CLYBL: variants seen among roughly 807,000 people sequenced by gnomAD.
CLYBL encodes citramalyl-CoA lyase.
Under a neutral mutation model 38.9 loss-of-function variants are expected in CLYBL, and 31 were observed. The observed-to-expected ratio is 0.80, with a 90% CI of 0.60 to 1.08. The LOEUF (loss-of-function observed/expected upper bound fraction) is 1.08, where lower values mean the gene tolerates loss of function less well. Ranked by LOEUF, CLYBL falls within the 50% of genes least tolerant of loss-of-function variation. The pLI, the probability that CLYBL is intolerant of heterozygous loss-of-function variation, is 0.00. For missense variants in CLYBL, 434 were observed against 411.6 expected (o/e 1.05, Z -0.47); for synonymous variants, 171 against 158.6 (o/e 1.08, Z -0.59).
chr13:99,806,738 G>C (rs2050239182), intron 2 of CLYBL, among the ~76,000 whole-genome samples: 1 of 152,180 alleles, frequency 6.6e-6, no homozygotes, highest in African/African-American at 2.4e-5. Context: ...TTATTATGTA[G>C]AGCCATTCGT....
intron 2 of CLYBL, among the ~76,000 whole-genome samples, chr13:99,817,314 G>A (rs2050471212): frequency 6.6e-6 from 1 of 152,268 alleles, no homozygotes; most frequent in Non-Finnish European, 1.5e-5. Context: ...CGAAAGGAGA[G>A]GGGAGGAGAG....
At chr13:99,659,285 TAA>T (rs1313411830) in intron 1 of CLYBL, among the ~76,000 whole-genome samples, 1 of 152,086 alleles carries the variant, frequency 6.6e-6, no homozygotes, top group Non-Finnish European at 1.5e-5. Context: ...GAGTGCAATT[TAA>T]AAAACTGTAG....
intron 2 of CLYBL, among the ~76,000 whole-genome samples, chr13:99,814,010 G>T (rs897267971): frequency 2.0e-5 from 3 of 152,072 alleles, no homozygotes; most frequent in Admixed American, 2.0e-4. Flanking sequence ...ACAGAAATTT[G>T]GTTTCTTTCA....
intron 1 of CLYBL, among the ~76,000 whole-genome samples, chr13:99,752,330 C>A (rs994761958): frequency 6.6e-6 from 1 of 152,240 alleles, no homozygotes; most frequent in East Asian, 1.9e-4. Context: ...ATTCATTCAG[C>A]CTGCATGTGC....
chr13:99,810,319 G>A (rs139541799), intron 2 of CLYBL, among the ~76,000 whole-genome samples: 3 of 152,324 alleles, frequency 2.0e-5, no homozygotes, highest in Non-Finnish European at 4.4e-5. Flanking sequence ...TGTAAAACAG[G>A]ACTCCAGGGT....
intron 2 of CLYBL, among the ~76,000 whole-genome samples, chr13:99,821,737 G>T (rs972698919): frequency 2.6e-5 from 4 of 152,226 alleles, no homozygotes; most frequent in African/African-American, 9.6e-5. Context: ...TTCCCAGTGA[G>T]CTTGCATTCT....
intron 1 of CLYBL, among the ~76,000 whole-genome samples, chr13:99,631,329 TTATG>T (rs986503540): frequency 9.8e-6 from 1 of 102,140 alleles, no homozygotes; most frequent in Non-Finnish European, 2.0e-5. Flanking sequence ...CTCCAAATAT[TTATG>T]TGTGTGTGTG....
At chr13:99,643,800 G>A (rs1369532137) in intron 1 of CLYBL, among the ~76,000 whole-genome samples, 1 of 152,078 alleles carries the variant, frequency 6.6e-6, no homozygotes, top group African/African-American at 2.4e-5. Flanking sequence ...GAGGTCAGGA[G>A]TTGCAGACCA....
In CLYBL at chr13:99,801,067, G is replaced by A. The variant is rs192869166; in HGVS notation, c.249+28057G>A. Among the ~76,000 whole-genome samples, 5 of 152,266 alleles carry A rather than the reference G, an allele frequency of 3.3e-5. No homozygotes were observed. In the East Asian group the frequency reaches 7.7e-4, roughly 24 times the overall value. On this transcript the variant is annotated intron_variant, in intron 2 of 8. Transcript: ENST00000339105. ...GAGGGTGTAAGTGAGGGCAGAAGGG[G>A]AAGCTGAGGCTTAAATAACATCACC...
At chr13:99,669,365 G>C (rs891996864) in intron 1 of CLYBL, among the ~76,000 whole-genome samples, 1 of 152,134 alleles carries the variant, frequency 6.6e-6, no homozygotes, top group Admixed American at 6.5e-5. Context: ...AGAACATGTA[G>C]CTTGTCCTTT....
intron 1 of CLYBL, among the ~76,000 whole-genome samples, chr13:99,649,468 T>G (rs1026434609): frequency 1.1e-4 from 16 of 152,258 alleles, no homozygotes; most frequent in African/African-American, 3.9e-4. Flanking sequence ...TAAGTAGGTG[T>G]ACCTTTGCAA....
chr13:99,614,666 G>T (rs575487747), intron 1 of CLYBL, among the ~76,000 whole-genome samples: 4 of 152,110 alleles, frequency 2.6e-5, no homozygotes, highest in Non-Finnish European at 4.4e-5. Flanking sequence ...TGTGGGGCTC[G>T]TGCTCCTACA....
At chr13:99,641,350 C>T (rs901555707) in intron 1 of CLYBL, among the ~76,000 whole-genome samples, 13 of 151,958 alleles carry the variant, frequency 8.6e-5, no homozygotes, top group African/African-American at 3.1e-4. Flanking sequence ...TTTATTATAC[C>T]AAAAAAATCA....
At chr13:99,812,808 T>C (rs1303827785) in intron 2 of CLYBL, among the ~76,000 whole-genome samples, 1 of 152,170 alleles carries the variant, frequency 6.6e-6, no homozygotes, top group East Asian at 1.9e-4. Context: ...GAGTGACCAA[T>C]ACCCAGCCTC....
chr13:99,659,658 C>G (rs1335720666), intron 1 of CLYBL, among the ~76,000 whole-genome samples: 1 of 151,994 alleles, frequency 6.6e-6, no homozygotes, highest in East Asian at 1.9e-4. Flanking sequence ...CTAAAACATC[C>G]GGGAGTAGTT....
At chr13:99,630,392 T>A (rs944526138) in intron 1 of CLYBL, among the ~76,000 whole-genome samples, 2 of 152,192 alleles carry the variant, frequency 1.3e-5, no homozygotes, top group Non-Finnish European at 2.9e-5. Flanking sequence ...GGCTCTTTAG[T>A]AGGGCTGCTG....
intron 2 of CLYBL, among the ~76,000 whole-genome samples, chr13:99,804,309 G>T (rs1176838965): frequency 6.6e-6 from 1 of 152,214 alleles, no homozygotes; most frequent in African/African-American, 2.4e-5. Context: ...AAACTGTTCA[G>T]CAGACTCTTG....
chr13:99,747,477 G>A (rs2048874039), intron 1 of CLYBL, among the ~76,000 whole-genome samples: 1 of 151,976 alleles, frequency 6.6e-6, no homozygotes, highest in African/African-American at 2.4e-5. Context: ...AGGAGCTACC[G>A]GGTGCCCATG....
chr13:99,622,117 C>T (rs78999982), intron 1 of CLYBL, among the ~76,000 whole-genome samples: 2 of 152,236 alleles, frequency 1.3e-5, no homozygotes, highest in Non-Finnish European at 2.9e-5. Flanking sequence ...TGCCATCTCT[C>T]GGGTTCTGTT....
Sources: allele counts gnomAD v4.1 joint callset (sites outside exome capture counted in the v4.1 genomes callset), GRCh38; gene constraint gnomAD v4.1.1; transcripts MANE v1.5; gene names NCBI Gene and HGNC (gene_info 2026-07-23, HGNC 2026-07-21).